Variants in ZMAT4 observed in about 807,000 individuals in gnomAD.
ZMAT4 encodes the protein zinc finger matrin-type protein 4.
ZMAT4 carries 17 observed loss-of-function variants against 28.7 expected under a neutral mutation model. The observed-to-expected ratio is 0.59, with a 90% CI of 0.41 to 0.89. ZMAT4 has a LOEUF of 0.89. Ranked by LOEUF, ZMAT4 falls within the 40% of genes least tolerant of loss-of-function variation. ZMAT4 has a pLI of 0.00. For missense variants in ZMAT4, 240 were observed against 283.8 expected, an observed-to-expected ratio of 0.85 and a Z score of 1.11; for synonymous variants, 117 against 109.2, an observed-to-expected ratio of 1.07 and a Z score of -0.44.
intron 3 of ZMAT4, among the ~76,000 whole-genome samples, chr8:40,708,120 A>T (rs2150504953): frequency 6.6e-6 from 1 of 152,360 alleles, no homozygotes. Context: ...ATAAACCAGT[A>T]ATAGCACAAA....
At chr8:40,749,151 A>G (rs1271473589) in intron 3 of ZMAT4, among the ~76,000 whole-genome samples, 2 of 152,046 alleles carry the variant, frequency 1.3e-5, no homozygotes, top group African/African-American at 2.4e-5. Context: ...TCTTCCCTTT[A>G]TAAATTACCC....
chr8:40,859,064 TG>T (rs1817398254), intron 1 of ZMAT4, among the ~76,000 whole-genome samples: 1 of 152,224 alleles, frequency 6.6e-6, no homozygotes, highest in African/African-American at 2.4e-5. Flanking sequence ...ATGTAAATGC[TG>T]TTTCTTCCCC....
chr8:40,630,906 T>C (rs894915487), intron 5 of ZMAT4, among the ~76,000 whole-genome samples: 1 of 152,188 alleles, frequency 6.6e-6, no homozygotes, highest in African/African-American at 2.4e-5. Flanking sequence ...TTTAGTAATA[T>C]GTTTTACCTA....
chr8:40,879,912 AC>A (rs1348499323), intron 1 of ZMAT4, among the ~76,000 whole-genome samples: 2 of 149,982 alleles, frequency 1.3e-5, no homozygotes, highest in Non-Finnish European at 3.0e-5. Flanking sequence ...CATTGTATGG[AC>A]GTACCGAACT....
chr8:40,543,273 C>A (rs1167310916), intron 6 of ZMAT4, among the ~76,000 whole-genome samples: 1 of 152,166 alleles, frequency 6.6e-6, no homozygotes, highest in Non-Finnish European at 1.5e-5. Context: ...ATAGAGAAAG[C>A]CAGCACATGC....
chr8:40,820,517 T>C (rs1318940516), intron 2 of ZMAT4, among the ~76,000 whole-genome samples: 1 of 129,984 alleles, frequency 7.7e-6, no homozygotes, highest in Non-Finnish European at 1.6e-5. Context: ...TGTATTGGTG[T>C]GTATATGCAT....
At chr8:40,854,632 A>T (rs142989240) in intron 1 of ZMAT4, among the ~76,000 whole-genome samples, 39 of 152,266 alleles carry the variant, frequency 2.6e-4, no homozygotes, top group Middle Eastern at 3.4e-3. Flanking sequence ...CACTCCTGAG[A>T]ATGGTCCCCT....
rs187656406 is a variant in ZMAT4, at chr8:40,653,423, T to C, written c.577+21281A>G. Among the ~76,000 whole-genome samples, 438 of 151,802 alleles carry C rather than the reference T, an allele frequency of 2.9e-3. 4 individuals carry two copies. Among genetic ancestry groups the C allele is most frequent in the African/African-American group, 1.0e-2 (413 of 41,444 alleles). On this transcript the variant is annotated intron_variant, in intron 5 of 6. Coordinates refer to ENST00000297737, the MANE Select transcript of ZMAT4 (RefSeq NM_024645.3). ...AATAATACATTAGAATAGAAGAAGA[T>C]GAAATAGATTATAGAAAAACAATAA...
At chr8:40,815,605 G>A (rs543647860) in intron 2 of ZMAT4, among the ~76,000 whole-genome samples, 40 of 152,310 alleles carry the variant, frequency 2.6e-4, no homozygotes, top group African/African-American at 9.4e-4. Context: ...CCACGCAGAA[G>A]GTGGGATGGT....
At chr8:40,685,274 A>C (rs1563410683) in intron 4 of ZMAT4, among the ~76,000 whole-genome samples, 1 of 152,118 alleles carries the variant, frequency 6.6e-6, no homozygotes, top group Non-Finnish European at 1.5e-5. Context: ...ATGTAAAAGC[A>C]AGAAGGTACC....
chr8:40,675,629 C>A (rs190222516), intron 4 of ZMAT4, among the ~76,000 whole-genome samples: 1 of 151,916 alleles, frequency 6.6e-6, no homozygotes, highest in East Asian at 1.9e-4. Flanking sequence ...TAAAAGATTC[C>A]GAATGAATGA....
At chr8:40,585,986 T>A (rs543312276) in intron 5 of ZMAT4, among the ~76,000 whole-genome samples, 3 of 152,302 alleles carry the variant, frequency 2.0e-5, no homozygotes, top group African/African-American at 7.2e-5. Flanking sequence ...CATATTCTGA[T>A]CTGTTGCTTT....
chr8:40,894,674 A>G (rs1437047885), intron 1 of ZMAT4, among the ~76,000 whole-genome samples: 1 of 152,116 alleles, frequency 6.6e-6, no homozygotes, highest in Admixed American at 6.5e-5. Context: ...ATACATGGAA[A>G]TAGCGTGCTC....
At chr8:40,857,969 C>T (rs73619267) in intron 1 of ZMAT4, among the ~76,000 whole-genome samples, 1,745 of 152,224 alleles carry the variant, frequency 0.011, 38 homozygotes, top group African/African-American at 0.039. Flanking sequence ...ACGAGACCAC[C>T]CTATAGGAGA....
intron 5 of ZMAT4, among the ~76,000 whole-genome samples, chr8:40,635,352 C>T (rs1480987772): frequency 6.6e-6 from 1 of 152,128 alleles, no homozygotes; most frequent in African/African-American, 2.4e-5. Context: ...CTCTGCCTCT[C>T]ATTCTCTCCC....
chr8:40,781,601 A>T (rs915777007), intron 2 of ZMAT4, among the ~76,000 whole-genome samples: 6 of 150,130 alleles, frequency 4.0e-5, no homozygotes, highest in Non-Finnish European at 8.9e-5. Flanking sequence ...TCTCTACTAA[A>T]AATACAAAAA....
At chr8:40,640,044 A>G (rs895722907) in intron 5 of ZMAT4, among the ~76,000 whole-genome samples, 16 of 152,234 alleles carry the variant, frequency 1.1e-4, no homozygotes, top group African/African-American at 3.6e-4. Flanking sequence ...TGGTGAGATC[A>G]TAGTTCACTG....
intron 6 of ZMAT4, among the ~76,000 whole-genome samples, chr8:40,557,937 A>G (rs1803600973): frequency 6.6e-6 from 1 of 152,202 alleles, no homozygotes; most frequent in South Asian, 2.1e-4. Flanking sequence ...TGCTAGGTAG[A>G]GACAAAATAG....
intron 4 of ZMAT4, among the ~76,000 whole-genome samples, chr8:40,685,118 A>G (rs1440847660): frequency 1.0e-5 from 1 of 99,432 alleles, no homozygotes; most frequent in Non-Finnish European, 2.1e-5. Context: ...CTCAACTGCC[A>G]TTTGGGAACT....
Sources: allele counts gnomAD v4.1 joint callset (sites outside exome capture counted in the v4.1 genomes callset), GRCh38; gene constraint gnomAD v4.1.1; transcripts MANE v1.5; gene names NCBI Gene and HGNC (gene_info 2026-07-23, HGNC 2026-07-21).